Variants in MYO16 observed in about 807,000 individuals in gnomAD.
MYO16 encodes the protein myosin XVI, also known as unconventional myosin-XVI.
In MYO16, 94 loss-of-function variants were observed where a neutral mutation model predicts 205.3. That is an observed-to-expected ratio of 0.46 (90% CI 0.39 to 0.54). The LOEUF (loss-of-function observed/expected upper bound fraction) is 0.54, where lower values mean the gene tolerates loss of function less well. Ranked by LOEUF, MYO16 falls within the 20% of genes least tolerant of loss-of-function variation. MYO16 has a pLI of 0.00. For missense variants in MYO16, 2,315 were observed against 2,387.5 expected (o/e 0.97, Z 0.63); for synonymous variants, 988 against 954.0 (o/e 1.04, Z -0.66).
At chr13:108,787,893 TC>T in intron 5 of MYO16, among the ~76,000 whole-genome samples, 1 of 152,296 alleles carries the variant, frequency 6.6e-6, no homozygotes, top group East Asian at 1.9e-4. Context: ...ATGTTGGTCT[TC>T]CTCCCACTAT....
chr13:109,040,717 A>C (rs2139578578), intron 23 of MYO16, among the ~76,000 whole-genome samples: 1 of 152,292 alleles, frequency 6.6e-6, no homozygotes, highest in Middle Eastern at 3.4e-3. Context: ...AGATAACCTG[A>C]ACTTGATAAA....
At chr13:108,774,273 T>C (rs1291572003) in intron 4 of MYO16, among the ~76,000 whole-genome samples, 1 of 152,214 alleles carries the variant, frequency 6.6e-6, no homozygotes, top group Non-Finnish European at 1.5e-5. Flanking sequence ...ATATGGCATG[T>C]GGTAAATTAA....
the MYO16 span, among the ~76,000 whole-genome samples, chr13:108,535,058 GTTCTTCTTCCTC>G: frequency 6.9e-3 from 888 of 128,052 alleles, 11 homozygotes; most frequent in African/African-American, 0.025. Flanking sequence ...TCCTCCTCTT[GTTCTTCTTCCTC>G]TTCTTCTTCC....
the MYO16 span, among the ~76,000 whole-genome samples, chr13:108,518,177 A>G: frequency 1.3e-5 from 2 of 152,242 alleles, no homozygotes; most frequent in African/African-American, 4.8e-5. Flanking sequence ...GTAAAAGGGT[A>G]GAAAAATATA....
intron 6 of MYO16, among the ~76,000 whole-genome samples, chr13:108,801,335 A>G (rs1016178666): frequency 8.5e-5 from 13 of 152,232 alleles, no homozygotes; most frequent in African/African-American, 2.4e-4. Flanking sequence ...GTGCAAATAC[A>G]TTCTTTCATA....
At chr13:108,673,438 T>TCAGTC (rs1314255708) in intron 2 of MYO16, among the ~76,000 whole-genome samples, 3 of 152,072 alleles carry the variant, frequency 2.0e-5, no homozygotes, top group Admixed American at 6.6e-5. Context: ...AGGGCCTGTT[T>TCAGTC]CAGTCCAGTC....
intron 27 of MYO16, among the ~76,000 whole-genome samples, chr13:109,095,605 A>G (rs1450839807): frequency 6.6e-6 from 1 of 152,256 alleles, no homozygotes; most frequent in Non-Finnish European, 1.5e-5. Flanking sequence ...ATGAGAAAAA[A>G]GCATCAGGTG....
chr13:108,520,844 G>A, the MYO16 span, among the ~76,000 whole-genome samples: 18 of 152,150 alleles, frequency 1.2e-4, no homozygotes, highest in African/African-American at 4.3e-4. Flanking sequence ...CGCAGTGGAT[G>A]TTGCTGATGC....
the MYO16 span, among the ~76,000 whole-genome samples, chr13:108,500,291 A>G: frequency 1.6e-5 from 2 of 124,322 alleles, no homozygotes; most frequent in Non-Finnish European, 3.1e-5. Flanking sequence ...GTGCAGTGGC[A>G]CAATCTCATC....
chr13:108,647,983 G>A (rs994569422), intron 1 of MYO16, among the ~76,000 whole-genome samples: 6 of 152,150 alleles, frequency 3.9e-5, no homozygotes, highest in Admixed American at 2.0e-4. Flanking sequence ...AAATGCAACT[G>A]TAACCAAAAC....
chr13:109,205,335 A>G (rs1327235001), intron 34 of MYO16, among the ~76,000 whole-genome samples: 1 of 152,204 alleles, frequency 6.6e-6, no homozygotes, highest in East Asian at 1.9e-4. Context: ...CAGTAGGCTC[A>G]GGTGTTGGTG....
intron 4 of MYO16, among the ~76,000 whole-genome samples, chr13:108,760,668 T>C (rs1885576029): frequency 6.6e-6 from 1 of 152,222 alleles, no homozygotes; most frequent in Non-Finnish European, 1.5e-5. Flanking sequence ...CCATATGTTC[T>C]CACTCATATG....
rs543116037 is a variant in MYO16 at position 108,840,423 on chromosome 13, C to A, written c.1098-3920C>A. ...GTGAGACTGTGGTGGTTACTGAAAG[C>A]AACCCTTCAATTTACTCTCTTCTTG... On this transcript the variant is annotated intron_variant, in intron 9 of 34. Transcript: ENST00000457511. Among the ~76,000 whole-genome samples the A allele has an allele frequency of 1.3e-3, 195 of 152,214 alleles. 1 individual carries two copies. Among genetic ancestry groups the A allele is most frequent in the African/African-American group, 4.3e-3 (177 of 41,536 alleles).
intron 10 of MYO16, among the ~76,000 whole-genome samples, chr13:108,846,559 T>C (rs777137697): frequency 1.8e-4 from 28 of 151,970 alleles, no homozygotes; most frequent in Non-Finnish European, 3.8e-4. Context: ...AATTTGTTTA[T>C]TGATTAAAAT....
intron 23 of MYO16, among the ~76,000 whole-genome samples, chr13:109,023,633 A>ATATATATACAAATATATGTATATATG (rs1886212187): frequency 9.1e-6 from 1 of 109,496 alleles, no homozygotes; most frequent in Non-Finnish European, 1.9e-5. Context: ...ATATAGACAA[A>ATATATATACAAATATATGTATATATG]TATATATACA....
At chr13:108,601,794 C>G (rs1423793894) in intron 1 of MYO16, among the ~76,000 whole-genome samples, 1 of 152,014 alleles carries the variant, frequency 6.6e-6, no homozygotes, top group Non-Finnish European at 1.5e-5. Context: ...GTTATGTGAC[C>G]TTTATGTTAT....
intron 7 of MYO16, among the ~76,000 whole-genome samples, chr13:108,812,603 C>T (rs960049894): frequency 1.3e-5 from 2 of 152,086 alleles, no homozygotes; most frequent in East Asian, 3.9e-4. Flanking sequence ...AAATCATGCA[C>T]AAATGAAAGG....
intron 27 of MYO16, among the ~76,000 whole-genome samples, chr13:109,079,740 T>C (rs1332764571): frequency 6.6e-6 from 1 of 152,190 alleles, no homozygotes; most frequent in African/African-American, 2.4e-5. Context: ...TGTACCCTTG[T>C]ATCTAAAATG....
At chr13:108,875,772 G>T (rs1283368904) in intron 12 of MYO16, among the ~76,000 whole-genome samples, 2 of 152,092 alleles carry the variant, frequency 1.3e-5, no homozygotes, top group Non-Finnish European at 2.9e-5. Flanking sequence ...TACTTGGGAG[G>T]TTAAGGCAGG....
Sources: gnomAD v4.1 joint callset for allele counts (sites outside exome capture counted in the v4.1 genomes callset) on GRCh38, gnomAD v4.1.1 for gene constraint, MANE v1.5 for transcripts, NCBI Gene and HGNC (gene_info 2026-07-23, HGNC 2026-07-21) for gene names.